Variants in INPP4B observed in about 807,000 individuals in gnomAD.
INPP4B encodes inositol polyphosphate 4-phosphatase type II.
In INPP4B, 55 loss-of-function variants were observed where a neutral mutation model predicts 122.5. That is an observed-to-expected ratio of 0.45 (90% CI 0.36 to 0.56). The LOEUF (loss-of-function observed/expected upper bound fraction) is 0.56, where lower values mean the gene tolerates loss of function less well. Among genes scored for constraint, INPP4B ranks in the 20% least tolerant of loss-of-function variants. The pLI is 0.00. For missense variants in INPP4B, 1,000 were observed against 1,097.7 expected, an observed-to-expected ratio of 0.91 and a Z score of 1.26; for synonymous variants, 403 against 388.7, an observed-to-expected ratio of 1.04 and a Z score of -0.43.
At chr4:142,590,954 T>A (rs1047368234) in intron 2 of INPP4B, among the ~76,000 whole-genome samples, 1 of 147,988 alleles carries the variant, frequency 6.8e-6, no homozygotes, top group African/African-American at 2.5e-5. Context: ...TTTCTGGATG[T>A]GAAAAGAAGT....
At chr4:142,682,298 C>T (rs1039027700) in intron 2 of INPP4B, among the ~76,000 whole-genome samples, 2 of 151,544 alleles carry the variant, frequency 1.3e-5, no homozygotes, top group Admixed American at 6.6e-5. Flanking sequence ...TTTCTCTCTC[C>T]TCCCTTTTAG....
At chr4:142,656,608 C>T (rs1331619455) in intron 2 of INPP4B, among the ~76,000 whole-genome samples, 7 of 152,142 alleles carry the variant, frequency 4.6e-5, no homozygotes, top group African/African-American at 9.7e-5. Context: ...AACCACTTCC[C>T]GTTGCAGCAG....
chr4:142,049,036 A>G (rs1385904983), intron 25 of INPP4B, among the ~76,000 whole-genome samples: 3 of 151,984 alleles, frequency 2.0e-5, no homozygotes, highest in African/African-American at 7.2e-5. Flanking sequence ...TGCTATCACC[A>G]TGGGCAGTGA....
chr4:142,743,173 A>T (rs1160641351), intron 1 of INPP4B, among the ~76,000 whole-genome samples: 1 of 152,006 alleles, frequency 6.6e-6, no homozygotes, highest in Non-Finnish European at 1.5e-5. Flanking sequence ...CAAGCATTGC[A>T]CAACATGCAG....
intron 2 of INPP4B, among the ~76,000 whole-genome samples, chr4:142,723,077 CTTAT>C (rs913178401): frequency 2.0e-5 from 3 of 152,094 alleles, no homozygotes; most frequent in African/African-American, 7.2e-5. Flanking sequence ...ATATTTACAA[CTTAT>C]TTCTTACTGT....
chr4:142,616,657 A>G (rs1052394692), intron 2 of INPP4B, among the ~76,000 whole-genome samples: 12 of 152,190 alleles, frequency 7.9e-5, no homozygotes, highest in East Asian at 7.7e-4. Flanking sequence ...CACGTGCAGC[A>G]TTATTCATAA....
intron 14 of INPP4B, among the ~76,000 whole-genome samples, chr4:142,198,215 C>T (rs1016459334): frequency 2.0e-5 from 3 of 152,020 alleles, no homozygotes; most frequent in Non-Finnish European, 4.4e-5. Flanking sequence ...CAAACACCCA[C>T]TGAACACACA....
intron 12 of INPP4B, among the ~76,000 whole-genome samples, chr4:142,219,360 A>G (rs936296067): frequency 5.9e-5 from 9 of 152,212 alleles, no homozygotes; most frequent in African/African-American, 2.2e-4. Context: ...GTCTTTTTCC[A>G]GACTAAGAAT....
intron 2 of INPP4B, among the ~76,000 whole-genome samples, chr4:142,628,057 CTGGG>C (rs1044397054): frequency 3.4e-4 from 52 of 152,004 alleles, no homozygotes; most frequent in Non-Finnish European, 1.9e-4. Flanking sequence ...CATCCCATTA[CTGGG>C]TATATACCCA....
At chr4:142,232,850 GT>G (rs1021111043) in intron 12 of INPP4B, among the ~76,000 whole-genome samples, 31 of 152,230 alleles carry the variant, frequency 2.0e-4, no homozygotes, top group African/African-American at 6.7e-4. Flanking sequence ...TGTGGAGAAA[GT>G]TTTGAGTTTT....
intron 1 of INPP4B, among the ~76,000 whole-genome samples, chr4:142,804,600 C>CT (rs1778443588): frequency 6.6e-6 from 1 of 152,114 alleles, no homozygotes; most frequent in African/African-American, 2.4e-5. Context: ...TTGCTTTATT[C>CT]TATAGCACTT....
chr4:142,533,461 ATATT>A (rs1049149709), intron 2 of INPP4B, among the ~76,000 whole-genome samples: 1 of 152,114 alleles, frequency 6.6e-6, no homozygotes, highest in African/African-American at 2.4e-5. Flanking sequence ...TGTATAAAAA[ATATT>A]TATTTTTTTT....
In INPP4B at chr4:142,260,488, A is replaced by C. The variant is rs757222427; in HGVS notation, c.688+4T>G. 6.4e-7 allele frequency: 1 copy of C among 1,573,836 alleles called. No homozygotes were observed. The highest frequency in any genetic ancestry group is 8.7e-7 in the Non-Finnish European group (1 of 1,144,716). On this transcript the variant is annotated splice_donor_region_variant and intron_variant, in intron 11 of 25. Transcript: ENST00000262992. ...AACTAAGTATTTAAAACTGAGTTACATACCTGAATTCAAAAAAGGTAAGTT... is the reference window on the plus strand; with the variant it reads ...AACTAAGTATTTAAAACTGAGTTACCTACCTGAATTCAAAAAAGGTAAGTT...
In INPP4B at chr4:142,777,868, G is replaced by A. The variant is rs549409110; in HGVS notation, c.-253-51967C>T. On this transcript the variant is annotated intron_variant, in intron 1 of 25. Coordinates refer to ENST00000262992, the MANE Select transcript of INPP4B (RefSeq NM_001101669.3). ...TGTCTTTAGAGATTATCTATGGAAAGAGTGGCACAGCCTACCAGCAGGATT... is the reference window on the plus strand; with the variant it reads ...TGTCTTTAGAGATTATCTATGGAAAAAGTGGCACAGCCTACCAGCAGGATT... 1.5e-4 allele frequency among the ~76,000 whole-genome samples: 23 copies of A among 152,286 alleles called. 2 individuals are homozygous for A. In the South Asian group the frequency reaches 4.8e-3, roughly 32 times the overall value.
intron 2 of INPP4B, among the ~76,000 whole-genome samples, chr4:142,672,341 T>C (rs774499132): frequency 5.9e-5 from 9 of 152,174 alleles, no homozygotes; most frequent in Non-Finnish European, 1.3e-4. Flanking sequence ...GGCTCTTCCA[T>C]CTGCATTCAC....
chr4:142,630,556 G>T (rs1347764859), intron 2 of INPP4B, among the ~76,000 whole-genome samples: 1 of 151,950 alleles, frequency 6.6e-6, no homozygotes, highest in African/African-American at 2.4e-5. Flanking sequence ...CTGCTACTGA[G>T]GGCAACTAGA....
At chr4:142,792,567 C>G (rs1776705552) in intron 1 of INPP4B, among the ~76,000 whole-genome samples, 1 of 151,892 alleles carries the variant, frequency 6.6e-6, no homozygotes, top group African/African-American at 2.4e-5. Flanking sequence ...GGAAACTGCT[C>G]TAAGGTGAGT....
At chr4:142,047,764 G>A (rs1752351943) in intron 25 of INPP4B, among the ~76,000 whole-genome samples, 1 of 152,004 alleles carries the variant, frequency 6.6e-6, no homozygotes, top group African/African-American at 2.4e-5. Context: ...CAAGGGAGCA[G>A]AGACAAAGAA....
intron 2 of INPP4B, among the ~76,000 whole-genome samples, chr4:142,691,276 C>T (rs1289842642): frequency 2.0e-5 from 3 of 151,572 alleles, no homozygotes; most frequent in African/African-American, 7.3e-5. Flanking sequence ...GATGTTGAAG[C>T]ATTTTGAAAA....
Sources: allele counts gnomAD v4.1 joint callset (sites outside exome capture counted in the v4.1 genomes callset), GRCh38; gene constraint gnomAD v4.1.1; transcripts MANE v1.5; gene names NCBI Gene and HGNC (gene_info 2026-07-23, HGNC 2026-07-21).